TLE4: variants seen among roughly 807,000 people sequenced by gnomAD.
The protein encoded by TLE4 is transducin-like enhancer protein 4.
In TLE4, 8 loss-of-function variants were observed where a neutral mutation model predicts 92.8. The observed-to-expected ratio is 0.09, with a 90% CI of 0.05 to 0.16. The LOEUF is 0.16. Ranked by LOEUF, TLE4 falls within the 10% of genes least tolerant of loss-of-function variation. The pLI is 1.00. For missense variants in TLE4, 675 were observed against 997.6 expected (o/e 0.68, Z 4.36); for synonymous variants, 371 against 374.1 (o/e 0.99, Z 0.10).
rs554185606 is a variant in TLE4, at chr9:79,706,155, C to T, written c.783+213C>T. On this transcript the variant is annotated intron_variant, in intron 10 of 19. Coordinates refer to ENST00000376552, the MANE Select transcript of TLE4 (RefSeq NM_007005.6). Reference sequence around the variant, plus strand: ...GAACTCCTACGCTAAAGTGATTCTCCCTGTTCAGCCTCCCGAGTAGCTGGA... The same window carrying T: ...GAACTCCTACGCTAAAGTGATTCTCTCTGTTCAGCCTCCCGAGTAGCTGGA... Among the ~76,000 whole-genome samples, 30 of 152,202 alleles carry T rather than the reference C, an allele frequency of 2.0e-4. No homozygotes were observed. In the South Asian group the frequency reaches 4.6e-3, roughly 23 times the overall value.
chr9:79,617,950 C>T lies in TLE4; in HGVS notation c.315+5232C>T, dbSNP rs146100527. Among the ~76,000 whole-genome samples, 237 of 152,262 alleles carry T rather than the reference C, an allele frequency of 1.6e-3. 1 individual carries two copies. The highest frequency in any genetic ancestry group is 5.3e-3 in the African/African-American group (222 of 41,546). On this transcript the variant is annotated intron_variant, in intron 5 of 19. Transcript: ENST00000376552. ...GTGAATTCGGTTCCTTTTATATCGA[C>T]GTTCATCATCCTTGCACCATTGTGT...
At chr9:79,679,882 C>G (rs4298561) in intron 8 of TLE4, among the ~76,000 whole-genome samples, 80,209 of 151,418 alleles carry the variant, frequency 0.53, 23,896 homozygotes, top group East Asian at 0.74. Flanking sequence ...GAATCCTTTC[C>G]CCATTGCTTG....
At chr9:79,573,652 A>AT in intron 1 of TLE4, 37 bp from the exon 2 acceptor site, 1 of 1,522,642 alleles carries the variant, frequency 6.6e-7, no homozygotes, top group South Asian at 1.2e-5. Context: ...TTCGCCTGTG[A>AT]TGTGGGCTAA....
intron 13 of TLE4, 128 bp from the exon 14 acceptor site, chr9:79,709,495 G>A (rs1164824853): frequency 1.4e-6 from 1 of 702,938 alleles, no homozygotes; most frequent in African/African-American, 1.8e-5. Context: ...AAATACTTCT[G>A]TATATATCTC....
At chr9:79,695,910 G>T (rs1177194328) in intron 8 of TLE4, among the ~76,000 whole-genome samples, 1 of 152,216 alleles carries the variant, frequency 6.6e-6, no homozygotes, top group Non-Finnish European at 1.5e-5. Flanking sequence ...GAAATTTTCA[G>T]ATCAGATTGG....
At chr9:79,694,729 T>C (rs146535209) in intron 8 of TLE4, among the ~76,000 whole-genome samples, 8 of 152,042 alleles carry the variant, frequency 5.3e-5, no homozygotes, top group Non-Finnish European at 1.2e-4. Context: ...GTCTGCCTTA[T>C]ATTTGGCTTT....
chr9:79,684,861 G>A (rs2135385846), intron 8 of TLE4, among the ~76,000 whole-genome samples: 1 of 152,314 alleles, frequency 6.6e-6, no homozygotes, highest in Admixed American at 6.5e-5. Flanking sequence ...CAGTGACAGA[G>A]CCCTACCAAA....
intron 14 of TLE4, among the ~76,000 whole-genome samples, chr9:79,715,973 T>C (rs1181564912): frequency 6.6e-6 from 1 of 152,192 alleles, no homozygotes; most frequent in Non-Finnish European, 1.5e-5. Flanking sequence ...TCTCCCAGGC[T>C]CTAGCCACTG....
At chr9:79,586,863 T>G (rs1020644791) in intron 4 of TLE4, among the ~76,000 whole-genome samples, 1 of 152,190 alleles carries the variant, frequency 6.6e-6, no homozygotes, top group African/African-American at 2.4e-5. Flanking sequence ...ATGGGGTAAA[T>G]GAACTATTTT....
In TLE4 at chr9:79,726,738, C is replaced by G. The variant is rs1381279502; in HGVS notation, c.*1594C>G. The G allele has an allele frequency of 6.6e-6, 1 of 152,590 alleles. No individual in the cohort carries two copies. Among genetic ancestry groups the G allele is most frequent in the African/African-American group, 2.4e-5 (1 of 41,440 alleles). 9.5% of individuals were successfully genotyped at this position (152,590 alleles called of 1,614,324 possible). A position where few individuals can be genotyped will look rare whatever the true frequency, so the allele number is the denominator to read the frequency against. ...TTTAAGCATTAAACATAAATAACTT[C>G]TAGTATGCTTATTTTTCTAATTCTT... On this transcript the variant is annotated 3_prime_UTR_variant, in exon 20 of 20. Coordinates refer to ENST00000376552, the MANE Select transcript of TLE4 (RefSeq NM_007005.6).
chr9:79,704,665 C>A, intron 8 of TLE4, 118 bp from the exon 9 acceptor site: 1 of 1,368,830 alleles, frequency 7.3e-7, no homozygotes, highest in South Asian at 1.4e-5. Context: ...CTCCTCTTAA[C>A]AGCTTTGCAA....
intron 4 of TLE4, among the ~76,000 whole-genome samples, chr9:79,579,274 T>C (rs557232288): frequency 1.3e-5 from 2 of 152,326 alleles, no homozygotes; most frequent in African/African-American, 4.8e-5. Flanking sequence ...AATGGCACAG[T>C]GGGGTGATGC....
intron 6 of TLE4, among the ~76,000 whole-genome samples, chr9:79,646,029 T>C (rs1261934991): frequency 6.6e-6 from 1 of 152,088 alleles, no homozygotes; most frequent in African/African-American, 2.4e-5. Context: ...ATGCCCTCTT[T>C]AATTCTTTGG....
rs568147042 is a variant in TLE4, at chr9:79,608,719, A to C, written c.253-3937A>C. On this transcript the variant is annotated intron_variant, in intron 4 of 19. Coordinates refer to ENST00000376552, the MANE Select transcript of TLE4 (RefSeq NM_007005.6). ...CTTTGTTATTCTGTTTTATTTCAAC[A>C]ATACATATGTAGTAATGTTGTTCCT... 3.2e-4 allele frequency among the ~76,000 whole-genome samples: 49 copies of C among 152,198 alleles called. 1 individual carries two copies. Among genetic ancestry groups the C allele is most frequent in the Non-Finnish European group, 3.4e-4 (23 of 67,978 alleles).
chr9:79,602,883 G>T (rs750666340), intron 4 of TLE4, among the ~76,000 whole-genome samples: 1 of 152,104 alleles, frequency 6.6e-6, no homozygotes, highest in South Asian at 2.1e-4. Flanking sequence ...TCTAGATGCC[G>T]TTAAGAACAT....
At chr9:79,666,163 C>CTGTGTGTGTGTGTG (rs34558090) in intron 8 of TLE4, among the ~76,000 whole-genome samples, 3 of 126,476 alleles carry the variant, frequency 2.4e-5, no homozygotes, top group East Asian at 4.7e-4. Context: ...TTTCCTTCAT[C>CTGTGTGTGTGTGTG]TGTGTGTGTG....
chr9:79,610,959 T>C (rs1435572086), intron 4 of TLE4, among the ~76,000 whole-genome samples: 1 of 151,892 alleles, frequency 6.6e-6, no homozygotes, highest in Non-Finnish European at 1.5e-5. Context: ...GACGAAAATA[T>C]GCTTGGCAGA....
At position 79,695,080 on chromosome 9, in the gene TLE4, TA is replaced by T. The variant is rs943002798; in HGVS notation, c.610-9701del. Among the ~76,000 whole-genome samples the T allele has an allele frequency of 4.4e-4, 67 of 152,294 alleles. 1 individual carries two copies. Among genetic ancestry groups the T allele is most frequent in the Admixed American group, 1.2e-3 (18 of 15,304 alleles). ...AAACTTTCCCTCTTATAGGAAAGAT[TA>T]ATTTCTATTACAATTTTTAAAAAGG... is the stretch of plus-strand genomic sequence containing the variant. On this transcript the variant is annotated intron_variant, in intron 8 of 19. Transcript: ENST00000376552.
At chr9:79,658,717 C>T (rs2060107611) in intron 8 of TLE4, among the ~76,000 whole-genome samples, 2 of 152,088 alleles carry the variant, frequency 1.3e-5, no homozygotes, top group Non-Finnish European at 2.9e-5. Context: ...AGGAGTTTTA[C>T]CGTTTGGGAG....
Sources: gnomAD v4.1 joint callset for allele counts (sites outside exome capture counted in the v4.1 genomes callset) on GRCh38, gnomAD v4.1.1 for gene constraint, MANE v1.5 for transcripts, NCBI Gene and HGNC (gene_info 2026-07-23, HGNC 2026-07-21) for gene names.